The following ERBB4 variants were observed in gnomAD, a reference collection of about 807,000 sequenced individuals.
ERBB4 encodes the protein receptor tyrosine-protein kinase erbB-4.
A neutral mutation model predicts 158.0 loss-of-function variants in ERBB4; 42 were observed. The ratio of observed to expected loss-of-function variants is 0.27; its 90% CI spans 0.21 to 0.34. The LOEUF (loss-of-function observed/expected upper bound fraction) is 0.34. Ranked by LOEUF, ERBB4 falls within the 10% of genes least tolerant of loss-of-function variation. The probability of loss-of-function intolerance (pLI) is 1.00; values close to 1 mark genes in which losing one functional copy is unlikely to be tolerated. For missense variants in ERBB4, 1,333 were observed against 1,624.1 expected, an observed-to-expected ratio of 0.82 and a Z score of 3.08; for synonymous variants, 583 against 558.7, an observed-to-expected ratio of 1.04 and a Z score of -0.61.
At position 212,528,587 on chromosome 2, in the gene ERBB4, C is replaced by G. The variant is rs186583148; in HGVS notation, c.82+9862G>C. Reference sequence around the variant, plus strand: ...TCTCATTAATAGATTACTCGGCAGACTGTTAGGTAATTTTGAAAGTTACAT... The same window carrying G: ...TCTCATTAATAGATTACTCGGCAGAGTGTTAGGTAATTTTGAAAGTTACAT... On this transcript the variant is annotated intron_variant, in intron 1 of 27. Coordinates refer to ENST00000342788, the MANE Select transcript of ERBB4 (RefSeq NM_005235.3). 5.9e-5 allele frequency among the ~76,000 whole-genome samples: 9 copies of G among 152,238 alleles called. No individual in the cohort carries two copies. In the East Asian group the frequency reaches 1.7e-3, roughly 29 times the overall value.
intron 1 of ERBB4, among the ~76,000 whole-genome samples, chr2:212,278,898 C>G (rs556364183): frequency 6.6e-6 from 1 of 151,650 alleles, no homozygotes; most frequent in African/African-American, 2.4e-5. Context: ...TTGATTAGCT[C>G]TATTTTGGAT....
chr2:211,618,285 A>G (rs2069470167), intron 19 of ERBB4, among the ~76,000 whole-genome samples: 1 of 152,096 alleles, frequency 6.6e-6, no homozygotes, highest in Non-Finnish European at 1.5e-5. Context: ...TTAATTTTTC[A>G]AATTATCAAT....
intron 1 of ERBB4, among the ~76,000 whole-genome samples, chr2:212,325,797 T>C (rs1041324811): frequency 6.6e-6 from 1 of 150,598 alleles, no homozygotes; most frequent in African/African-American, 2.4e-5. Flanking sequence ...GGAGTATCAT[T>C]ACTAACCAAA....
chr2:211,998,436 A>G (rs751282674), intron 2 of ERBB4, among the ~76,000 whole-genome samples: 10 of 151,550 alleles, frequency 6.6e-5, no homozygotes, highest in Non-Finnish European at 1.5e-4. Flanking sequence ...GATAAACACA[A>G]TTATTAACTC....
intron 5 of ERBB4, among the ~76,000 whole-genome samples, chr2:211,744,472 T>G (rs1009439183): frequency 2.5e-4 from 38 of 152,334 alleles, no homozygotes; most frequent in African/African-American, 7.7e-4. Context: ...TTTCTTCTGT[T>G]TAAAACCTCT....
At chr2:212,192,303 A>G (rs2105880992) in intron 1 of ERBB4, among the ~76,000 whole-genome samples, 1 of 151,394 alleles carries the variant, frequency 6.6e-6, no homozygotes, top group East Asian at 1.9e-4. Context: ...GTGAGGTACT[A>G]TTCAAAATTG....
At chr2:211,611,720 AAGG>A (rs2125833321) in intron 19 of ERBB4, among the ~76,000 whole-genome samples, 1 of 152,312 alleles carries the variant, frequency 6.6e-6, no homozygotes, top group African/African-American at 2.4e-5. Context: ...GAGAGGTCAA[AAGG>A]AGAAGAGATC....
intron 1 of ERBB4, among the ~76,000 whole-genome samples, chr2:212,459,745 G>A (rs546147331): frequency 2.6e-5 from 4 of 152,172 alleles, no homozygotes; most frequent in South Asian, 2.1e-4. Context: ...AAACAGACAC[G>A]TAACCCAATA....
chr2:212,497,178 C>CAAAAAAAAAAAAAAAAAAAACAAAAAA (rs397987683), intron 1 of ERBB4, among the ~76,000 whole-genome samples: 1 of 64,372 alleles, frequency 1.6e-5, no homozygotes, highest in Non-Finnish European at 2.7e-5. Context: ...AACTCCATCT[C>CAAAAAAAAAAAAAAAAAAAACAAAAAA]AAAAAAAAAA....
intron 1 of ERBB4, among the ~76,000 whole-genome samples, chr2:212,234,274 T>C (rs1370341923): frequency 6.6e-6 from 1 of 152,094 alleles, no homozygotes; most frequent in Non-Finnish European, 1.5e-5. Flanking sequence ...AGAATGATGG[T>C]TTCCAGTATC....
At chr2:211,644,589 A>G (rs2070718520) in intron 16 of ERBB4, among the ~76,000 whole-genome samples, 1 of 152,048 alleles carries the variant, frequency 6.6e-6, no homozygotes, top group South Asian at 2.1e-4. Flanking sequence ...ACCCACATCT[A>G]CATGAAACAT....
At chr2:211,414,978 G>A (rs894943990) in intron 25 of ERBB4, among the ~76,000 whole-genome samples, 1 of 151,640 alleles carries the variant, frequency 6.6e-6, no homozygotes, top group Non-Finnish European at 1.5e-5. Context: ...ATAGTACTTG[G>A]GTTATAGTGA....
intron 3 of ERBB4, among the ~76,000 whole-genome samples, chr2:211,932,369 G>T (rs1045087674): frequency 3.3e-5 from 5 of 151,690 alleles, no homozygotes; most frequent in Admixed American, 3.3e-4. Flanking sequence ...TTTTTTCATG[G>T]GTAAAGTTCT....
At chr2:211,838,718 T>G (rs539589673) in intron 3 of ERBB4, among the ~76,000 whole-genome samples, 2 of 152,258 alleles carry the variant, frequency 1.3e-5, no homozygotes, top group East Asian at 3.9e-4. Context: ...AAACATTTTA[T>G]AGTTTAAAAA....
At chr2:211,425,568 G>A (rs1188318973) in intron 22 of ERBB4, among the ~76,000 whole-genome samples, 2 of 151,740 alleles carry the variant, frequency 1.3e-5, no homozygotes, top group Admixed American at 6.6e-5. Flanking sequence ...TATGAGGCAG[G>A]CTGCAACAAG....
intron 19 of ERBB4, among the ~76,000 whole-genome samples, chr2:211,613,750 C>T (rs2069284552): frequency 6.6e-6 from 1 of 151,862 alleles, no homozygotes; most frequent in African/African-American, 2.4e-5. Context: ...TTAATACTTA[C>T]ATCCAAGACA....
chr2:212,078,554 G>T (rs1159112420), intron 2 of ERBB4, among the ~76,000 whole-genome samples: 1 of 151,890 alleles, frequency 6.6e-6, no homozygotes, highest in African/African-American at 2.4e-5. Context: ...GCAAGCATGT[G>T]AATACACACA....
At chr2:212,278,286 A>G (rs2085622334) in intron 1 of ERBB4, among the ~76,000 whole-genome samples, 1 of 151,802 alleles carries the variant, frequency 6.6e-6, no homozygotes, top group Non-Finnish European at 1.5e-5. Context: ...TTCATGGGCC[A>G]ACTCATCAGC....
intron 3 of ERBB4, among the ~76,000 whole-genome samples, chr2:211,901,847 A>C (rs1306600827): frequency 6.6e-6 from 1 of 152,094 alleles, no homozygotes; most frequent in East Asian, 1.9e-4. Context: ...AGTCAAAAAA[A>C]ATTTGCTTTT....
Sources: gnomAD v4.1 joint callset for allele counts (sites outside exome capture counted in the v4.1 genomes callset) on GRCh38, gnomAD v4.1.1 for gene constraint, MANE v1.5 for transcripts, NCBI Gene and HGNC (gene_info 2026-07-23, HGNC 2026-07-21) for gene names.